The following TRPC6 variants were observed in gnomAD, a reference collection of about 807,000 sequenced individuals.
TRPC6 encodes short transient receptor potential channel 6.
TRPC6 carries 55 observed loss-of-function variants against 90.7 expected under a neutral mutation model. The ratio of observed to expected loss-of-function variants is 0.61; its 90% CI spans 0.49 to 0.76. The LOEUF is 0.76. Among genes scored for constraint, TRPC6 ranks in the 30% least tolerant of loss-of-function variants. The pLI, the probability that TRPC6 is intolerant of heterozygous loss-of-function variation, is 0.00. For synonymous variants in TRPC6, 393 were observed against 393.0 expected, an observed-to-expected ratio of 1.00 and a Z score of 0.00; for missense variants, 989 against 1,122.7, an observed-to-expected ratio of 0.88 and a Z score of 1.70.
chr11:101,572,380 G>C (rs1010162342), intron 1 of TRPC6, among the ~76,000 whole-genome samples: 2 of 152,168 alleles, frequency 1.3e-5, no homozygotes, highest in African/African-American at 4.8e-5. Context: ...AGAGGATGTG[G>C]AGAAATAGGA....
At chr11:101,546,172 C>G (rs1173754146) in intron 1 of TRPC6, among the ~76,000 whole-genome samples, 1 of 97,524 alleles carries the variant, frequency 1.0e-5, no homozygotes, top group East Asian at 3.4e-4. Context: ...CCCGGGTTCA[C>G]GCCATTCTCC....
intron 2 of TRPC6, among the ~76,000 whole-genome samples, chr11:101,498,448 G>A (rs1406481317): frequency 6.6e-6 from 1 of 152,024 alleles, no homozygotes; most frequent in Non-Finnish European, 1.5e-5. Context: ...CTGAGGTCTC[G>A]TGTCACCTCT....
chr11:101,556,063 G>A (rs1004502822), intron 1 of TRPC6, among the ~76,000 whole-genome samples: 11 of 152,118 alleles, frequency 7.2e-5, no homozygotes, highest in Non-Finnish European at 1.2e-4. Flanking sequence ...ACAGAATGCA[G>A]CAAAAGCAGT....
intron 11 of TRPC6, 151 bp from the exon 12 acceptor site, chr11:101,453,876 G>A (rs370172839): frequency 5.8e-5 from 44 of 753,844 alleles, no homozygotes; most frequent in Admixed American, 1.1e-4. Flanking sequence ...GGATGCAGGC[G>A]ATCTCTACAT....
intron 2 of TRPC6, among the ~76,000 whole-genome samples, chr11:101,502,744 G>T (rs1396108824): frequency 6.6e-6 from 1 of 152,152 alleles, no homozygotes; most frequent in African/African-American, 2.4e-5. Flanking sequence ...TGGAGGAAAA[G>T]CACCTTCCTC....
chr11:101,562,015 T>C (rs1005677927), intron 1 of TRPC6, among the ~76,000 whole-genome samples: 16 of 152,104 alleles, frequency 1.1e-4, no homozygotes, highest in Non-Finnish European at 1.8e-4. Context: ...GCCTAAGATA[T>C]ACCGTAGGAT....
In TRPC6 at chr11:101,511,841, A is replaced by C. The variant is rs1005324298; in HGVS notation, c.171-7043T>G. Among the ~76,000 whole-genome samples, 37 of 152,076 alleles carry C rather than the reference A, an allele frequency of 2.4e-4. 1 individual carries two copies. The highest frequency in any genetic ancestry group is 7.5e-4 in the African/African-American group (31 of 41,432). ...ACCCTGTCTCTACTAAAAAATACAAAAATTAGCCAGGCATGGTGGTGGGGG... is the reference window on the plus strand; with the variant it reads ...ACCCTGTCTCTACTAAAAAATACAACAATTAGCCAGGCATGGTGGTGGGGG... On this transcript the variant is annotated intron_variant, in intron 1 of 12. Transcript: ENST00000344327.
intron 1 of TRPC6, among the ~76,000 whole-genome samples, chr11:101,557,860 T>C (rs1174807005): frequency 6.6e-6 from 1 of 152,076 alleles, no homozygotes; most frequent in Non-Finnish European, 1.5e-5. Flanking sequence ...ATAAAACAAA[T>C]TGAGGAAGAT....
rs1444566161 is a variant in TRPC6 at position 101,483,145 on chromosome 11, T to G, written c.1314A>C (p.Gly438=). 6.2e-7 allele frequency: 1 copy of G among 1,614,032 alleles called. No individual in the cohort carries two copies. Among genetic ancestry groups the G allele is most frequent in the South Asian group, 1.1e-5 (1 of 91,078 alleles). Residue 438 remains glycine (G), a synonymous_variant, in exon 5 of 13, where the codon GGA becomes GGC. Coordinates refer to ENST00000344327, the MANE Select transcript of TRPC6 (RefSeq NM_004621.6). ...PCSKMGKIMR[G]PFMKFVAHAA... ...CGTGTGCTACAAACTTCATGAATGG[T>G]CCACGCATTATCTTCCCCATCTGCC...
At chr11:101,561,671 T>C (rs892862304) in intron 1 of TRPC6, among the ~76,000 whole-genome samples, 3 of 151,938 alleles carry the variant, frequency 2.0e-5, no homozygotes, top group African/African-American at 4.8e-5. Context: ...AGGAAACATA[T>C]GAGAGGGCAT....
At chr11:101,467,642 C>A (rs370490995) in intron 10 of TRPC6, among the ~76,000 whole-genome samples, 1 of 152,180 alleles carries the variant, frequency 6.6e-6, no homozygotes, top group African/African-American at 2.4e-5. Flanking sequence ...TTCATGATAA[C>A]CATCATTATG....
intron 1 of TRPC6, among the ~76,000 whole-genome samples, chr11:101,571,874 AT>A (rs1861972137): frequency 6.6e-6 from 1 of 152,218 alleles, no homozygotes; most frequent in Non-Finnish European, 1.5e-5. Context: ...TTAATTCAAG[AT>A]TGATTAAAGA....
chr11:101,499,639 G>GTA lies in TRPC6; in HGVS notation c.945+4383_945+4384dup, dbSNP rs375668565. Among the ~76,000 whole-genome samples the GTA allele has an allele frequency of 9.8e-4, 41 of 41,742 alleles. 1 individual carries two copies. The highest frequency in any genetic ancestry group is 4.9e-3 in the South Asian group (9 of 1,826). The allele number at this position is 41,742 out of a possible 152,430, so 27.4% of individuals were successfully genotyped here. A position where few individuals can be genotyped will look rare whatever the true frequency, so the allele number is the denominator to read the frequency against. ...TATATACACACACAATATAAAATGT[G>GTA]TATATATATATATACACAATATAAA... On this transcript the variant is annotated intron_variant, in intron 2 of 12. Transcript: ENST00000344327.
chr11:101,559,543 A>G (rs1304554214), intron 1 of TRPC6, among the ~76,000 whole-genome samples: 3 of 152,116 alleles, frequency 2.0e-5, no homozygotes, highest in Admixed American at 2.0e-4. Flanking sequence ...GAGCTAAGAT[A>G]ATTTATTGGC....
At chr11:101,543,926 T>C (rs1031143816) in intron 1 of TRPC6, among the ~76,000 whole-genome samples, 2 of 152,104 alleles carry the variant, frequency 1.3e-5, no homozygotes, top group Admixed American at 6.5e-5. Context: ...CAAAAGAAAC[T>C]GTCATCAAAG....
At chr11:101,520,485 A>G (rs1247046898) in intron 1 of TRPC6, among the ~76,000 whole-genome samples, 2 of 152,222 alleles carry the variant, frequency 1.3e-5, no homozygotes, top group Admixed American at 1.3e-4. Context: ...TAAAACTGTA[A>G]AAGCAACTTT....
At chr11:101,457,846 A>G (rs750460197) in intron 10 of TRPC6, among the ~76,000 whole-genome samples, 1 of 152,210 alleles carries the variant, frequency 6.6e-6, no homozygotes, top group Non-Finnish European at 1.5e-5. Flanking sequence ...TGGACATTCT[A>G]TAATTGTCAA....
intron 6 of TRPC6, 150 bp from the exon 7 acceptor site, chr11:101,473,923 A>C: frequency 9.6e-7 from 1 of 1,041,414 alleles, no homozygotes; most frequent in Non-Finnish European, 1.4e-6. Context: ...AGTGTCTGCT[A>C]GAGTTGAGCT....
intron 1 of TRPC6, among the ~76,000 whole-genome samples, chr11:101,521,685 G>A (rs1008880803): frequency 6.6e-6 from 1 of 152,236 alleles, no homozygotes; most frequent in Non-Finnish European, 1.5e-5. Context: ...CAGCCCTTGA[G>A]AGCAGCCATG....
Sources: gnomAD v4.1 joint callset for allele counts (sites outside exome capture counted in the v4.1 genomes callset) on GRCh38, gnomAD v4.1.1 for gene constraint, MANE v1.5 for transcripts, NCBI Gene and HGNC (gene_info 2026-07-23, HGNC 2026-07-21) for gene names.